The following ALDH1A1 variants were observed in gnomAD, a reference collection of about 807,000 sequenced individuals.
The protein encoded by ALDH1A1 is aldehyde dehydrogenase 1 family member A1.
Under a neutral mutation model 62.1 loss-of-function variants are expected in ALDH1A1, and 19 were observed. That is an observed-to-expected ratio of 0.31 (90% CI 0.21 to 0.45). ALDH1A1 has a LOEUF of 0.45. Among genes scored for constraint, ALDH1A1 ranks in the 20% least tolerant of loss-of-function variants. The pLI is 1.00. For synonymous variants in ALDH1A1, 231 were observed against 215.9 expected, an observed-to-expected ratio of 1.07 and a Z score of -0.61; for missense variants, 521 against 607.1, an observed-to-expected ratio of 0.86 and a Z score of 1.49.
chr9:72,933,508 A>C (rs923230752), intron 2 of ALDH1A1, among the ~76,000 whole-genome samples: 1 of 148,786 alleles, frequency 6.7e-6, no homozygotes, highest in African/African-American at 2.5e-5. Flanking sequence ...GATCGTTTGA[A>C]CCTGAGAGGT....
At chr9:72,925,361 TTC>T in intron 6 of ALDH1A1, 121 bp downstream of exon 6, 1 of 298,022 alleles carries the variant, frequency 3.4e-6, no homozygotes, top group Non-Finnish European at 5.1e-6. Flanking sequence ...GCTAAATGTA[TTC>T]CCCCCACTGG....
Position 72,906,464 on chromosome 9 carries a change from T to C in ALDH1A1, c.1359-432A>G, listed in dbSNP as rs149877762. ...GCTAGAATCAATTTTCTTTTGCAAT[T>C]GTAATATGTATCATATTACTCAGTT... is the stretch of plus-strand genomic sequence containing the variant. On this transcript the variant is annotated intron_variant, in intron 11 of 12. Coordinates refer to ENST00000297785, the MANE Select transcript of ALDH1A1 (RefSeq NM_000689.5). Among the ~76,000 whole-genome samples the C allele has an allele frequency of 1.1e-3, 161 of 152,318 alleles. 3 individuals carry two copies. The East Asian group carries it at 0.028, about 27-fold the overall frequency.
rs1437735206 is a variant in ALDH1A1, at chr9:72,940,225, A to G, written c.94T>C (p.Ser32Pro). The change falls in exon 2 of 13, where the codon TCA becomes CCA. Residue 32 changes from serine to proline, a missense_variant. Coordinates refer to ENST00000297785, the MANE Select transcript of ALDH1A1 (RefSeq NM_000689.5). ...KIFINNEWHD[S>P]VSGKKFPVFN... ...ACAGGAAATTTCTTGCCACTCACTG[A>G]ATCATGCCATTCATTGTTTATGAAG... 1 of 1,613,684 alleles carries G rather than the reference A, an allele frequency of 6.2e-7. No homozygotes were observed. Among genetic ancestry groups the G allele is most frequent in the Admixed American group, 1.7e-5 (1 of 60,016 alleles).
intron 2 of ALDH1A1, among the ~76,000 whole-genome samples, chr9:72,932,051 T>C (rs772841512): frequency 6.6e-6 from 1 of 152,216 alleles, no homozygotes; most frequent in African/African-American, 2.4e-5. Flanking sequence ...CAGATCCCTG[T>C]TCAGACCTCT....
chr9:72,910,655 T>C (rs1829970805), intron 10 of ALDH1A1, among the ~76,000 whole-genome samples: 1 of 152,140 alleles, frequency 6.6e-6, no homozygotes, highest in African/African-American at 2.4e-5. Flanking sequence ...AAATATTTAT[T>C]AAGATCAGAT....
chr9:72,944,932 A>G (rs1156837334), intron 1 of ALDH1A1, among the ~76,000 whole-genome samples: 1 of 152,128 alleles, frequency 6.6e-6, no homozygotes, highest in East Asian at 1.9e-4. Context: ...GAAGCAATCA[A>G]TAGAAATGTT....
chr9:72,912,078 A>G lies in ALDH1A1; in HGVS notation c.1080T>C (p.Ser360=), dbSNP rs777038802. ...CCAGTTTGGCCCCTTCTTTCTTCCC[A>G]CTCTCAATGAGGTCAAGTATTTTAT... ...QYDKILDLIE[S]GKKEGAKLEC... Residue 360 remains serine (S), a synonymous_variant, in exon 10 of 13, where the codon AGT becomes AGC. Coordinates refer to ENST00000297785, the MANE Select transcript of ALDH1A1 (RefSeq NM_000689.5). 1.2e-6 allele frequency: 2 copies of G among 1,613,418 alleles called. No homozygotes were observed. Among genetic ancestry groups the G allele is most frequent in the Non-Finnish European group, 1.7e-6 (2 of 1,179,638 alleles).
chr9:72,906,119 C>T, intron 11 of ALDH1A1, 87 bp from the exon 12 acceptor site: 2 of 898,272 alleles, frequency 2.2e-6, no homozygotes, highest in South Asian at 1.7e-5. Flanking sequence ...TTGGAAAGCT[C>T]CTTACAAACT....
At chr9:72,948,205 C>T (rs953567712) in intron 1 of ALDH1A1, among the ~76,000 whole-genome samples, 4 of 151,926 alleles carry the variant, frequency 2.6e-5, no homozygotes, top group Non-Finnish European at 5.9e-5. Context: ...CTGCACCTTG[C>T]AGCCAGTCAG....
chr9:72,923,854 C>CTT, intron 7 of ALDH1A1, 165 bp downstream of exon 7: 1 of 455,050 alleles, frequency 2.2e-6, no homozygotes, highest in Non-Finnish European at 3.8e-6. Context: ...ATTCAAACTA[C>CTT]ATCTGCTTAT....
At chr9:72,948,827 T>C (rs8187879) in intron 1 of ALDH1A1, among the ~76,000 whole-genome samples, 260 of 151,304 alleles carry the variant, frequency 1.7e-3, no homozygotes, top group Non-Finnish European at 2.8e-3. Context: ...CCTTGTTAAA[T>C]AAGAGGAAGG....
At chr9:72,916,608 C>T (rs750052896) in intron 9 of ALDH1A1, among the ~76,000 whole-genome samples, 5 of 152,050 alleles carry the variant, frequency 3.3e-5, no homozygotes, top group Non-Finnish European at 5.9e-5. Flanking sequence ...GGACAGAGAA[C>T]TGTATATAGG....
intron 11 of ALDH1A1, among the ~76,000 whole-genome samples, chr9:72,908,504 G>GATGAAAGAAAGAAAGA (rs1234831079): frequency 1.6e-4 from 5 of 31,804 alleles, no homozygotes; most frequent in African/African-American, 5.9e-4. Context: ...GAGAGAGAGA[G>GATGAAAGAAAGAAAGA]ACGAAAGAAA....
chr9:72,952,672 C>A (rs1010099686), intron 1 of ALDH1A1, among the ~76,000 whole-genome samples: 5 of 151,874 alleles, frequency 3.3e-5, no homozygotes, highest in Admixed American at 6.6e-5. Flanking sequence ...TCCTCTGAAT[C>A]CTGGTATAAG....
chr9:72,916,357 T>C (rs1830064001), intron 9 of ALDH1A1, among the ~76,000 whole-genome samples: 1 of 152,132 alleles, frequency 6.6e-6, no homozygotes, highest in South Asian at 2.1e-4. Context: ...CCTTTACTGA[T>C]AATAAAGTCT....
intron 3 of ALDH1A1, 146 bp downstream of exon 3, chr9:72,930,733 A>T: frequency 1.2e-6 from 1 of 800,542 alleles, no homozygotes; most frequent in Non-Finnish European, 2.0e-6. Flanking sequence ...GTTCAATGTT[A>T]AGGGGCCTAT....
chr9:72,925,242 G>A (rs540889716), intron 6 of ALDH1A1, among the ~76,000 whole-genome samples: 10 of 152,282 alleles, frequency 6.6e-5, no homozygotes, highest in African/African-American at 2.4e-4. Context: ...AAGCAAAAAT[G>A]TGATCCCAAG....
chr9:72,946,190 A>C (rs535842468), intron 1 of ALDH1A1, among the ~76,000 whole-genome samples: 4 of 152,146 alleles, frequency 2.6e-5, no homozygotes, highest in Non-Finnish European at 5.9e-5. Context: ...ATCAAGACCT[A>C]GTAATAGAAT....
chr9:72,913,618 G>A (rs753542538), intron 9 of ALDH1A1, among the ~76,000 whole-genome samples: 2 of 152,132 alleles, frequency 1.3e-5, no homozygotes, highest in Admixed American at 6.5e-5. Context: ...CTGTGACCAC[G>A]TTGAATAACC....
Sources: allele counts gnomAD v4.1 joint callset (sites outside exome capture counted in the v4.1 genomes callset), GRCh38; gene constraint gnomAD v4.1.1; transcripts MANE v1.5; gene names NCBI Gene and HGNC (gene_info 2026-07-23, HGNC 2026-07-21).